FBXO9: variants seen among roughly 807,000 people sequenced by gnomAD.
The protein encoded by FBXO9 is F-box protein 9.
In FBXO9, 43 loss-of-function variants were observed where a neutral mutation model predicts 63.7. The ratio of observed to expected loss-of-function variants is 0.67; its 90% CI spans 0.53 to 0.87. The LOEUF is 0.87. FBXO9 is among the 40% of genes least tolerant of loss of function. The pLI is 0.00. For synonymous variants in FBXO9, 156 were observed against 171.7 expected (o/e 0.91, Z 0.72); for missense variants, 442 against 533.2 (o/e 0.83, Z 1.68).
rs1008013239 is a variant in FBXO9, at chr6:53,094,442, A to T, written c.1053+464A>T. 4.8e-4 allele frequency among the ~76,000 whole-genome samples: 73 copies of T among 152,334 alleles called. 1 individual carries two copies. The highest frequency in any genetic ancestry group is 1.6e-3 in the African/African-American group (65 of 41,578). On this transcript the variant is annotated intron_variant, in intron 11 of 12. Transcript: ENST00000323557. Reference sequence around the variant, plus strand: ...AAAAGGAAAAAAATGCCAAGCAAATATGATTACTGACATTATTACATTCTA... The same window carrying T: ...AAAAGGAAAAAAATGCCAAGCAAATTTGATTACTGACATTATTACATTCTA...
chr6:53,070,330 AAAAT>A (rs1768869508), intron 1 of FBXO9, among the ~76,000 whole-genome samples: 1 of 152,056 alleles, frequency 6.6e-6, no homozygotes, highest in Admixed American at 6.6e-5. Context: ...AGAAAAAGAG[AAAAT>A]AATTTTTATT....
intron 4 of FBXO9, 76 bp from the exon 5 acceptor site, chr6:53,078,723 A>G: frequency 9.3e-7 from 1 of 1,073,700 alleles, no homozygotes; most frequent in Non-Finnish European, 1.4e-6. Context: ...ACCAAATTAA[A>G]CCACAGTTAA....
chr6:53,079,004 CTT>C, intron 5 of FBXO9, 106 bp downstream of exon 5: 1 of 644,522 alleles, frequency 1.6e-6, no homozygotes, highest in East Asian at 2.9e-5. Flanking sequence ...GCTCTATACT[CTT>C]TAGTATATCT....
At chr6:53,095,422 GT>G in intron 11 of FBXO9, 90 bp from the exon 12 acceptor site, 2 of 1,207,212 alleles carry the variant, frequency 1.7e-6, no homozygotes, top group Non-Finnish European at 2.2e-6. Context: ...CAAATATTAT[GT>G]TACTTTTAGT....
At chr6:53,095,486 A>G (rs1763183290) in intron 11 of FBXO9, 27 bp from the exon 12 acceptor site, 4 of 1,583,176 alleles carry the variant, frequency 2.5e-6, no homozygotes, top group Non-Finnish European at 2.6e-6. Context: ...AGGTTTCATT[A>G]TAACTTATGC....
rs557699750 is a variant in FBXO9 at position 53,088,981 on chromosome 6, G to A, written c.654-3448G>A. Among the ~76,000 whole-genome samples the A allele has an allele frequency of 1.7e-4, 25 of 151,394 alleles. No individual in the cohort carries two copies. In the East Asian group the frequency reaches 4.7e-3, roughly 28 times the overall value. On this transcript the variant is annotated intron_variant, in intron 7 of 12. Coordinates refer to ENST00000323557, the MANE Select transcript of FBXO9 (RefSeq NM_033480.3). ...CTGTCGCCCAGGCTGGAGTGCAGTG[G>A]CGCAATCTCGGCTCACTGCAAGCTC...
In FBXO9 at chr6:53,073,553, A is replaced by G. The variant is rs1260493166; in HGVS notation, c.163A>G (p.Asn55Asp). Residue 55 changes from asparagine (N) to aspartate (D), a missense_variant, in exon 3 of 13, where the codon AAT (asparagine) becomes GAT (aspartate). Transcript: ENST00000323557. ...APGVSSSNLENRPCRAARGSL... is the reference protein window; with the variant it reads ...APGVSSSNLEDRPCRAARGSL... ...AGGTGTAAGCTCTAGCAATTTAGAA[A>G]ATCGACCTTGCAGAGCAGCAAGAGG... is the stretch of plus-strand genomic sequence containing the variant. The G allele has an allele frequency of 3.1e-6, 5 of 1,613,346 alleles. No homozygotes were observed. The highest frequency in any genetic ancestry group is 4.2e-6 in the Non-Finnish European group (5 of 1,179,616).
Position 53,093,577 on chromosome 6 carries a change from T to A in FBXO9, c.959+16T>A. The A allele has an allele frequency of 6.3e-7, 1 of 1,579,076 alleles. No individual in the cohort carries two copies. The highest frequency in any genetic ancestry group is 8.7e-7 in the Non-Finnish European group (1 of 1,149,754). On this transcript the variant is annotated intron_variant, in intron 10 of 12. Coordinates refer to ENST00000323557, the MANE Select transcript of FBXO9 (RefSeq NM_033480.3). The stretch of plus-strand genomic sequence containing the variant: ...GGAATACCAGGTAGCATTTGTTTTT[T>A]AAATGGCTTTCCATCCAGTCTATGT...
rs149719732 is a variant in FBXO9 at position 53,071,079 on chromosome 6, A to C, written c.26A>C (p.His9Pro). ...CAGGCAGAAGCTGAGGAAGATTGTC[A>C]TTCTGATACTGTCAGAGCAGATGAT... Reference protein sequence around the residue: MAEAEEDCHSDTVRADDDE... With the variant: MAEAEEDCPSDTVRADDDE... The change falls in exon 2 of 13, where the codon CAT becomes CCT. Residue 9 changes from histidine to proline, a missense_variant. Around this residue, in one of 2 missense-constraint regions of FBXO9, gnomAD observed 180 missense variants for 171.1 expected, o/e 1.05. Transcript: ENST00000323557. The C allele has an allele frequency of 9.5e-6, 15 of 1,575,322 alleles. No homozygotes were observed. The highest frequency in any genetic ancestry group is 1.7e-4 in the Middle Eastern group (1 of 6,020).
chr6:53,079,512 T>A lies in FBXO9; in HGVS notation c.407+614T>A, dbSNP rs563992483. Among the ~76,000 whole-genome samples, 74 of 152,264 alleles carry A rather than the reference T, an allele frequency of 4.9e-4. 1 individual carries two copies. Among genetic ancestry groups the A allele is most frequent in the Admixed American group, 4.1e-3 (62 of 15,302 alleles). On this transcript the variant is annotated intron_variant, in intron 5 of 12. Transcript: ENST00000323557. ...TATAGTTGCCACTGCATCAAAGCCA[T>A]GAAGTAGCATTGGTTTTATATGGAT...
chr6:53,073,753 T>C (rs142161280), intron 3 of FBXO9, 114 bp downstream of exon 3: 4 of 876,484 alleles, frequency 4.6e-6, no homozygotes, highest in African/African-American at 1.7e-5. Flanking sequence ...TAAACACATA[T>C]CTTGTAAAAT....
intron 12 of FBXO9, among the ~76,000 whole-genome samples, chr6:53,097,271 A>T (rs1763237877): frequency 2.0e-5 from 3 of 152,220 alleles, no homozygotes; most frequent in Admixed American, 2.0e-4. Context: ...CTTCTGACTT[A>T]AAAATTCTAT....
chr6:53,068,885 A>G (rs1158266289), intron 1 of FBXO9, among the ~76,000 whole-genome samples: 1 of 152,134 alleles, frequency 6.6e-6, no homozygotes. Flanking sequence ...CCTGGGCTCA[A>G]GCAGTCCTTC....
In FBXO9 at chr6:53,072,213, C is replaced by CT. The variant is rs34575699; in HGVS notation, c.90+1077dup. 1.4e-3 allele frequency among the ~76,000 whole-genome samples: 160 copies of CT among 117,636 alleles called. 1 individual carries two copies. Among genetic ancestry groups the CT allele is most frequent in the Middle Eastern group, 4.3e-3 (1 of 232 alleles). 77.2% of individuals were successfully genotyped at this position (117,636 alleles called of 152,430 possible). A position where few individuals can be genotyped will look rare whatever the true frequency, so the allele number is the denominator to read the frequency against. On this transcript the variant is annotated intron_variant, in intron 2 of 12. Coordinates refer to ENST00000323557, the MANE Select transcript of FBXO9 (RefSeq NM_033480.3). Reference sequence around the variant, plus strand: ...TTAATTTAAAACATTCTAGATACGTCTTTTTTTAAAAAAAAAAAAGGAAGC... The same window carrying CT: ...TTAATTTAAAACATTCTAGATACGTCTTTTTTTTAAAAAAAAAAAAGGAAGC...
At chr6:53,074,702 G>A (rs1335017501) in intron 3 of FBXO9, among the ~76,000 whole-genome samples, 9 of 152,196 alleles carry the variant, frequency 5.9e-5, no homozygotes, top group African/African-American at 2.2e-4. Flanking sequence ...TGTATAAGTG[G>A]AATCATCCAG....
chr6:53,070,585 A>T (rs557314730), intron 1 of FBXO9, among the ~76,000 whole-genome samples: 2 of 152,310 alleles, frequency 1.3e-5, no homozygotes, highest in African/African-American at 4.8e-5. Context: ...TACTACAAGA[A>T]CTATTTACAT....
chr6:53,090,343 C>T (rs1293462044), intron 7 of FBXO9, among the ~76,000 whole-genome samples: 1 of 152,102 alleles, frequency 6.6e-6, no homozygotes, highest in Non-Finnish European at 1.5e-5. Flanking sequence ...TGACAACTTT[C>T]ATAGTTATTC....
Position 53,093,944 on chromosome 6 carries a change from A to G in FBXO9, c.1019A>G (p.Lys340Arg), listed in dbSNP as rs1459843384. The change falls in exon 11 of 13, where the codon AAA becomes AGA. Residue 340 changes from lysine (K) to arginine (R), a missense_variant. Transcript: ENST00000323557. ...RLSQDTDNQT[K>R]VFAVITKKKE... Reference sequence around the variant, plus strand: ...TCACAAGACACAGACAATCAGACCAAAGTATTTGCTGTAATAACTAAGAAA... The same window carrying G: ...TCACAAGACACAGACAATCAGACCAGAGTATTTGCTGTAATAACTAAGAAA... The G allele has an allele frequency of 6.4e-7, 1 of 1,555,044 alleles. No individual in the cohort carries two copies. The highest frequency in any genetic ancestry group is 8.7e-7 in the Non-Finnish European group (1 of 1,148,742).
chr6:53,082,078 A>G (rs960710371), intron 6 of FBXO9, among the ~76,000 whole-genome samples: 2 of 152,282 alleles, frequency 1.3e-5, no homozygotes, highest in Admixed American at 6.5e-5. Flanking sequence ...CAAAAAAAAA[A>G]GAAATTCATG....
Sources: gnomAD v4.1 joint callset for allele counts (sites outside exome capture counted in the v4.1 genomes callset) on GRCh38, gnomAD v4.1.1 for gene constraint, gnomAD v4.1.1 regional missense constraint, MANE v1.5 for transcripts, NCBI Gene and HGNC (gene_info 2026-07-23, HGNC 2026-07-21) for gene names.